The following MICAL3 variants were observed in gnomAD, a reference collection of about 807,000 sequenced individuals.
MICAL3 encodes [F-actin]-monooxygenase MICAL3.
In MICAL3, 62 loss-of-function variants were observed where a neutral mutation model predicts 207.4. That is an observed-to-expected ratio of 0.30 (90% CI 0.24 to 0.37). The LOEUF is 0.37. Ranked by LOEUF, MICAL3 falls within the 10% of genes least tolerant of loss-of-function variation. MICAL3 has a pLI of 1.00. For synonymous variants in MICAL3, 1,077 were observed against 1,069.3 expected, an observed-to-expected ratio of 1.01 and a Z score of -0.14; for missense variants, 2,368 against 2,635.6, an observed-to-expected ratio of 0.90 and a Z score of 2.22.
intron 29 of MICAL3, among the ~76,000 whole-genome samples, chr22:17,801,148 C>CTTTT (rs978301664): frequency 6.5e-5 from 6 of 91,922 alleles, no homozygotes; most frequent in East Asian, 2.9e-4. Context: ...TTTCCTTTTT[C>CTTTT]TTTTTTTTTT....
chr22:17,813,170 G>A (rs945899618), intron 27 of MICAL3: 3 of 152,364 alleles, frequency 2.0e-5, no homozygotes, highest in Admixed American at 6.5e-5. Context: ...TTCACCAAAA[G>A]CACGTCAGGC....
intron 1 of MICAL3, among the ~76,000 whole-genome samples, chr22:18,017,235 C>A (rs1192384350): frequency 6.8e-6 from 1 of 147,150 alleles, no homozygotes; most frequent in Non-Finnish European, 1.5e-5. Flanking sequence ...TTTTTTGAGA[C>A]GGAGTCTCGC....
intron 1 of MICAL3, among the ~76,000 whole-genome samples, chr22:17,977,212 T>C (rs1328989599): frequency 6.6e-6 from 1 of 152,146 alleles, no homozygotes; most frequent in African/African-American, 2.4e-5. Flanking sequence ...AAAACGTGTA[T>C]GCTTCAAAGC....
At chr22:17,878,447 C>G (rs558078494) in intron 16 of MICAL3, among the ~76,000 whole-genome samples, 3 of 151,862 alleles carry the variant, frequency 2.0e-5, no homozygotes, top group Non-Finnish European at 4.4e-5. Flanking sequence ...AGGCAGCACA[C>G]ACATTGCCCG....
intron 19 of MICAL3, among the ~76,000 whole-genome samples, chr22:17,857,380 T>C (rs1343240806): frequency 1.3e-5 from 2 of 152,208 alleles, no homozygotes; most frequent in African/African-American, 4.8e-5. Flanking sequence ...TAAGGCCTGA[T>C]GATCTGAGGT....
At chr22:17,952,981 G>A (rs1341822355) in intron 1 of MICAL3, among the ~76,000 whole-genome samples, 9 of 152,168 alleles carry the variant, frequency 5.9e-5, no homozygotes, top group South Asian at 2.1e-4. Flanking sequence ...GGCTGGAGAC[G>A]ACCACAACAG....
chr22:17,872,090 G>GCA, intron 16 of MICAL3, 67 bp from the exon 17 acceptor site: 1 of 1,404,864 alleles, frequency 7.1e-7, no homozygotes, highest in Admixed American at 2.1e-5. Context: ...CCTCCTAGAG[G>GCA]CACAGCCTTG....
intron 1 of MICAL3, among the ~76,000 whole-genome samples, chr22:18,023,672 G>T (rs1053850126): frequency 3.9e-5 from 6 of 152,222 alleles, no homozygotes; most frequent in African/African-American, 1.4e-4. Context: ...TGTTGCACAC[G>T]CCCGGGAGCT....
At chr22:17,893,103 G>C (rs1471073755) in intron 11 of MICAL3, among the ~76,000 whole-genome samples, 1 of 152,168 alleles carries the variant, frequency 6.6e-6, no homozygotes, top group African/African-American at 2.4e-5. Context: ...CAATTCACCA[G>C]CAGCAAAGCT....
At chr22:17,958,165 G>T (rs767641073) in intron 1 of MICAL3, among the ~76,000 whole-genome samples, 57 of 151,990 alleles carry the variant, frequency 3.8e-4, no homozygotes, top group Non-Finnish European at 6.5e-4. Context: ...ACACTTTTTG[G>T]ATAGCTTATC....
At position 17,872,617 on chromosome 22, in the gene MICAL3, C is replaced by T. The variant is rs1364066473; in HGVS notation, c.2242-594G>A. On this transcript the variant is annotated intron_variant, in intron 16 of 31. Transcript: ENST00000441493. ...GTCTTAGGAATTTGGTTATCAAAAC[C>T]CAGACAACCTCAAAAGCAATTACCG... The T allele has an allele frequency of 5.2e-5, 34 of 652,118 alleles. No individual in the cohort carries two copies. The East Asian group carries it at 9.2e-4, about 18-fold the overall frequency. 40.4% of individuals were successfully genotyped at this position (652,118 alleles called of 1,614,324 possible).
In MICAL3 at chr22:17,877,558, TGGAGGTTAG is replaced by T. The variant is rs1322893131; in HGVS notation, c.2242-5544_2242-5536del. On this transcript the variant is annotated intron_variant, in intron 16 of 31. Transcript: ENST00000441493. ...GAGGTTATGGAGGTGAGGGAGGTTA[TGGAGGTTAG>T]GGAGGTTAGGGAAGTTATGGAGGTT... Among the ~76,000 whole-genome samples the T allele has an allele frequency of 3.9e-4, 28 of 72,286 alleles. 2 individuals carry two copies. Among genetic ancestry groups the T allele is most frequent in the East Asian group, 1.1e-3 (2 of 1,850 alleles). 47.4% of individuals were successfully genotyped at this position (72,286 alleles called of 152,430 possible). A position where few individuals can be genotyped will look rare whatever the true frequency, so the allele number is the denominator to read the frequency against.
At chr22:17,949,727 G>A (rs1934241269) in intron 1 of MICAL3, among the ~76,000 whole-genome samples, 1 of 152,222 alleles carries the variant, frequency 6.6e-6, no homozygotes, top group African/African-American at 2.4e-5. Context: ...TGCTACAAAG[G>A]GGTCCAAACA....
chr22:17,798,673 C>CTTTT lies in MICAL3; in HGVS notation c.5651-7376_5651-7373dup, dbSNP rs375673869. Among the ~76,000 whole-genome samples the CTTTT allele has an allele frequency of 2.5e-3, 333 of 130,650 alleles. 19 individuals carry two copies. The highest frequency in any genetic ancestry group is 8.5e-3 in the African/African-American group (281 of 32,904). The allele number at this position is 130,650 out of a possible 152,430, so 85.7% of individuals were successfully genotyped here. On this transcript the variant is annotated intron_variant, in intron 29 of 31. Transcript: ENST00000441493. Reference sequence around the variant, plus strand: ...ATGATAAATAGTGTTGGAGCAATGCCTTTTTTTTTTTTTTTTTTGAGACAG... The same window carrying CTTTT: ...ATGATAAATAGTGTTGGAGCAATGCCTTTTTTTTTTTTTTTTTTTTTTGAGACAG...
intron 12 of MICAL3, among the ~76,000 whole-genome samples, chr22:17,890,385 G>A (rs769432959): frequency 1.1e-4 from 16 of 152,064 alleles, no homozygotes; most frequent in Non-Finnish European, 1.8e-4. Context: ...ACTTCTGCCT[G>A]TTCCCTTTGG....
At chr22:17,975,369 A>T (rs954443422) in intron 1 of MICAL3, among the ~76,000 whole-genome samples, 1 of 151,556 alleles carries the variant, frequency 6.6e-6, no homozygotes, top group Admixed American at 6.6e-5. Context: ...CCGCAAATTT[A>T]AAAAAAAATC....
intron 29 of MICAL3, among the ~76,000 whole-genome samples, chr22:17,795,639 A>G (rs894952897): frequency 1.3e-5 from 2 of 152,274 alleles, no homozygotes; most frequent in African/African-American, 4.8e-5. Flanking sequence ...AGGTAAAGCA[A>G]GCATTTAAAG....
At chr22:17,830,269 C>T (rs901383725) in intron 21 of MICAL3, among the ~76,000 whole-genome samples, 7 of 152,122 alleles carry the variant, frequency 4.6e-5, no homozygotes, top group Non-Finnish European at 8.8e-5. Context: ...CAGGCACCGT[C>T]GGCTGCCCGA....
At chr22:17,878,387 A>G (rs1929091949) in intron 16 of MICAL3, among the ~76,000 whole-genome samples, 1 of 152,180 alleles carries the variant, frequency 6.6e-6, no homozygotes, top group Admixed American at 6.5e-5. Flanking sequence ...GGGGTGGGAA[A>G]GACCCCCACC....
Sources: gnomAD v4.1 joint callset for allele counts (sites outside exome capture counted in the v4.1 genomes callset) on GRCh38, gnomAD v4.1.1 for gene constraint, MANE v1.5 for transcripts, NCBI Gene and HGNC (gene_info 2026-07-23, HGNC 2026-07-21) for gene names.